Variants in LRTM1 observed in about 807,000 individuals in gnomAD.
LRTM1 encodes leucine-rich repeat and transmembrane domain-containing protein 1.
LRTM1 carries 38 observed loss-of-function variants against 32.4 expected under a neutral mutation model. That is an observed-to-expected ratio of 1.17 (90% CI 0.91 to 1.54). The LOEUF is 1.54. LRTM1 is among the 40% of genes most tolerant of loss of function. The probability of loss-of-function intolerance (pLI) is 0.00; values close to 1 mark genes in which losing one functional copy is unlikely to be tolerated. For missense variants in LRTM1, 466 were observed against 415.4 expected (o/e 1.12, Z -1.06); for synonymous variants, 186 against 169.9 (o/e 1.09, Z -0.74).
Position 54,924,510 on chromosome 3 carries a change from A to C in LRTM1, c.604+109T>G, listed in dbSNP as rs1417935178. The C allele has an allele frequency of 5.5e-6, 5 of 915,682 alleles. No homozygotes were observed. In the African/African-American group the frequency reaches 8.3e-5, roughly 15 times the overall value. The allele number at this position is 915,682 out of a possible 1,614,324, so 56.7% of individuals were successfully genotyped here. A position where few individuals can be genotyped will look rare whatever the true frequency, so the allele number is the denominator to read the frequency against. ...AATGGCACCGATGTGTAAAAGCCCA[A>C]ATCCACCCCTTACACACTCCTCCAC... On this transcript the variant is annotated intron_variant, in intron 2 of 2. Transcript: ENST00000273286.
intron 1 of LRTM1, among the ~76,000 whole-genome samples, chr3:54,947,647 G>A (rs1226193624): frequency 6.6e-6 from 1 of 152,048 alleles, no homozygotes; most frequent in Non-Finnish European, 1.5e-5. Flanking sequence ...AGCAGGCAAA[G>A]GAAATTTTTG....
chr3:54,965,765 G>A (rs572753038), intron 1 of LRTM1, among the ~76,000 whole-genome samples: 38 of 152,304 alleles, frequency 2.5e-4, no homozygotes, highest in African/African-American at 8.9e-4. Flanking sequence ...TCAGCTAGCC[G>A]GAACACAGCT....
intron 1 of LRTM1, among the ~76,000 whole-genome samples, chr3:54,959,669 G>A (rs1222433357): frequency 6.6e-6 from 1 of 152,082 alleles, no homozygotes; most frequent in Non-Finnish European, 1.5e-5. Context: ...ACATTGATTT[G>A]TGCAGCCCTG....
intron 2 of LRTM1, among the ~76,000 whole-genome samples, chr3:54,919,475 A>G (rs572502320): frequency 6.6e-6 from 1 of 152,290 alleles, no homozygotes; most frequent in Admixed American, 6.5e-5. Flanking sequence ...GGTACCATGA[A>G]TGTGTCTCCT....
At chr3:54,926,604 A>G (rs191816037) in intron 1 of LRTM1, among the ~76,000 whole-genome samples, 2 of 152,134 alleles carry the variant, frequency 1.3e-5, no homozygotes, top group East Asian at 3.9e-4. Flanking sequence ...AATCATCAAT[A>G]TGTCTCATTC....
chr3:54,958,818 T>C (rs1701964147), intron 1 of LRTM1, among the ~76,000 whole-genome samples: 1 of 151,820 alleles, frequency 6.6e-6, no homozygotes, highest in Non-Finnish European at 1.5e-5. Context: ...AAAAATATTT[T>C]ATCTGCCTGG....
chr3:54,961,355 GT>G (rs767454904), intron 1 of LRTM1, among the ~76,000 whole-genome samples: 54 of 152,188 alleles, frequency 3.5e-4, no homozygotes, highest in Non-Finnish European at 7.4e-4. Context: ...TACAATTTGG[GT>G]TTTGGGAAAA....
At chr3:54,926,224 T>C (rs146742835) in intron 1 of LRTM1, among the ~76,000 whole-genome samples, 18 of 152,306 alleles carry the variant, frequency 1.2e-4, no homozygotes, top group Admixed American at 1.1e-3. Context: ...TTGAGCCACC[T>C]ACCATTCTAA....
chr3:54,944,610 A>G (rs1284031401), intron 1 of LRTM1, among the ~76,000 whole-genome samples: 1 of 151,956 alleles, frequency 6.6e-6, no homozygotes, highest in Non-Finnish European at 1.5e-5. Context: ...TTTAGTAGAG[A>G]CAGGGTTTCA....
rs763454373 is a variant in LRTM1, at chr3:54,918,878, C to A, written c.619G>T (p.Gly207Cys). The stretch of plus-strand genomic sequence containing the variant: ...GTGTCTGGTGATTCACAGATGATGC[C>A]GTCTGTTAGTCCCCCTTTAAAAAAC... ...KFVYKGGLTD[G>C]IICESPDTWK... Residue 207 changes from glycine (G) to cysteine (C), a missense_variant, in exon 3 of 3, where the codon GGC becomes TGC. Gly to Cys is a radical substitution (Grantham distance 159, BLOSUM62 -3). Coordinates refer to ENST00000273286, the MANE Select transcript of LRTM1 (RefSeq NM_020678.4). 1.2e-5 allele frequency: 18 copies of A among 1,542,310 alleles called. No individual in the cohort carries two copies. The highest frequency in any genetic ancestry group is 1.4e-5 in the Non-Finnish European group (16 of 1,143,630).
At chr3:54,936,321 C>T (rs759334465) in intron 1 of LRTM1, among the ~76,000 whole-genome samples, 44 of 152,222 alleles carry the variant, frequency 2.9e-4, no homozygotes, top group Middle Eastern at 3.4e-3. Flanking sequence ...GTATTCTGCC[C>T]GTGGACAGAG....
chr3:54,925,587 G>C (rs1235014018), intron 1 of LRTM1, among the ~76,000 whole-genome samples: 4 of 152,216 alleles, frequency 2.6e-5, no homozygotes, highest in African/African-American at 9.6e-5. Context: ...GTGTAAAAGA[G>C]TGTTAGAGGA....
intron 1 of LRTM1, among the ~76,000 whole-genome samples, chr3:54,945,779 G>A (rs1221284980): frequency 2.0e-5 from 3 of 152,188 alleles, no homozygotes; most frequent in Non-Finnish European, 2.9e-5. Context: ...GCCATTGTAT[G>A]TTGGGAATCA....
At chr3:54,926,726 A>G (rs75642274) in intron 1 of LRTM1, among the ~76,000 whole-genome samples, 15,148 of 152,212 alleles carry the variant, frequency 0.1, 843 homozygotes, top group Non-Finnish European at 0.12. Flanking sequence ...TGCCACATTT[A>G]GTATTAATAT....
chr3:54,960,485 AT>A (rs1389399721), intron 1 of LRTM1, among the ~76,000 whole-genome samples: 2 of 151,698 alleles, frequency 1.3e-5, no homozygotes, highest in African/African-American at 2.4e-5. Flanking sequence ...TGCTGTGAGA[AT>A]TTTTTTTTCT....
At chr3:54,964,833 G>C (rs1249459532) in intron 1 of LRTM1, among the ~76,000 whole-genome samples, 1 of 149,152 alleles carries the variant, frequency 6.7e-6, no homozygotes, top group Non-Finnish European at 1.5e-5. Flanking sequence ...TTTTTTTGTT[G>C]CCTTGTTTTT....
chr3:54,950,568 T>G lies in LRTM1; in HGVS notation c.-222+16360A>C, dbSNP rs1322528833. Among the ~76,000 whole-genome samples, 3 of 152,150 alleles carry G rather than the reference T, an allele frequency of 2.0e-5. No individual in the cohort carries two copies. In the East Asian group the frequency reaches 5.8e-4, roughly 29 times the overall value. The stretch of plus-strand genomic sequence containing the variant: ...TCCTGTTTCCCAGCCTACCAGCAAT[T>G]CAAAGAATGCTGCTTGATCAAAGAA... On this transcript the variant is annotated intron_variant, in intron 1 of 2. Transcript: ENST00000493075.
At chr3:54,957,579 A>C (rs1370745254) in intron 1 of LRTM1, among the ~76,000 whole-genome samples, 1 of 152,214 alleles carries the variant, frequency 6.6e-6, no homozygotes, top group African/African-American at 2.4e-5. Context: ...CTAAAATGAC[A>C]GAGCCTTGAG....
At chr3:54,939,547 G>A (rs1425123980) in intron 1 of LRTM1, among the ~76,000 whole-genome samples, 1 of 152,232 alleles carries the variant, frequency 6.6e-6, no homozygotes, top group East Asian at 1.9e-4. Flanking sequence ...CTGTCTGTCT[G>A]CTGTGGCCAG....
Sources: allele counts gnomAD v4.1 joint callset (sites outside exome capture counted in the v4.1 genomes callset), GRCh38; gene constraint gnomAD v4.1.1; transcripts MANE v1.5; gene names NCBI Gene and HGNC (gene_info 2026-07-23, HGNC 2026-07-21).